The following HERC1 variants were observed in gnomAD, a reference collection of about 807,000 sequenced individuals.
HERC1 encodes the protein probable E3 ubiquitin-protein ligase HERC1.
A neutral mutation model predicts 554.3 loss-of-function variants in HERC1; 160 were observed. That is an observed-to-expected ratio of 0.29 (90% CI 0.25 to 0.33). HERC1 has a LOEUF of 0.33. Ranked by LOEUF, HERC1 falls within the 10% of genes least tolerant of loss-of-function variation. The pLI, the probability that HERC1 is intolerant of heterozygous loss-of-function variation, is 1.00. For synonymous variants in HERC1, 2,175 were observed against 2,131.7 expected (o/e 1.02, Z -0.56); for missense variants, 4,919 against 5,918.5 (o/e 0.83, Z 5.54).
chr15:63,829,104 T>G (rs923009082), intron 1 of HERC1, among the ~76,000 whole-genome samples: 1 of 152,078 alleles, frequency 6.6e-6, no homozygotes, highest in African/African-American at 2.4e-5. Context: ...GGTGTCAATA[T>G]GAACCCATGG....
chr15:63,707,968 A>T (rs1302868553), intron 24 of HERC1, among the ~76,000 whole-genome samples: 1 of 150,956 alleles, frequency 6.6e-6, no homozygotes. Context: ...AAGTGACAAA[A>T]CAGATTCATT....
chr15:63,631,099 C>G (rs908885841), intron 68 of HERC1, among the ~76,000 whole-genome samples: 1 of 152,190 alleles, frequency 6.6e-6, no homozygotes, highest in African/African-American at 2.4e-5. Context: ...CTACCTCAGC[C>G]TCCTGAGTAG....
At chr15:63,814,683 G>A (rs946636620) in intron 1 of HERC1, among the ~76,000 whole-genome samples, 3 of 152,108 alleles carry the variant, frequency 2.0e-5, no homozygotes, top group East Asian at 1.9e-4. Flanking sequence ...TGGCCAGGCT[G>A]GTCTTGAACT....
At chr15:63,801,026 C>T (rs2076966918) in intron 1 of HERC1, among the ~76,000 whole-genome samples, 1 of 152,110 alleles carries the variant, frequency 6.6e-6, no homozygotes, top group Admixed American at 6.5e-5. Flanking sequence ...CCATAAAAAC[C>T]CCTAGACAGG....
intron 19 of HERC1, among the ~76,000 whole-genome samples, chr15:63,722,683 G>C (rs1473936702): frequency 6.6e-6 from 1 of 152,010 alleles, no homozygotes; most frequent in Non-Finnish European, 1.5e-5. Context: ...ACTTAATACT[G>C]GCCCCAAAAT....
chr15:63,694,283 A>G lies in HERC1; in HGVS notation c.5480+29T>C, dbSNP rs373375539. ...AATGGAGGAAGACCAGACTTCATAC[A>G]GTTCTACAAAGACATCTACCATACT... On this transcript the variant is annotated intron_variant, in intron 29 of 77. Transcript: ENST00000443617. This position sits in a 1 kb window ranked among gnomAD's most constrained non-coding sequence, Gnocchi z 4.3. 5 of 1,594,300 alleles carry G rather than the reference A, an allele frequency of 3.1e-6. No individual in the cohort carries two copies. Among genetic ancestry groups the G allele is most frequent in the East Asian group, 2.3e-5 (1 of 44,230 alleles).
chr15:63,756,827 G>C lies in HERC1; in HGVS notation c.1222-79C>G. The C allele has an allele frequency of 1.1e-6, 1 of 886,228 alleles. No individual in the cohort carries two copies. The highest frequency in any genetic ancestry group is 1.7e-6 in the Non-Finnish European group (1 of 599,890). The allele number at this position is 886,228 out of a possible 1,614,324, so 54.9% of individuals were successfully genotyped here. ...TATTTAAGGCTGGTTTTATCAAAGA[G>C]CCTCAAAGGAAGTCTTTTAGCAGGA... is the stretch of plus-strand genomic sequence containing the variant. On this transcript the variant is annotated intron_variant, in intron 4 of 77. Coordinates refer to ENST00000443617, the MANE Select transcript of HERC1 (RefSeq NM_003922.4). The surrounding 1 kb of genome is among the most constrained non-coding windows in gnomAD (Gnocchi z 5.0).
At chr15:63,619,001 T>G (rs1306091728) in intron 74 of HERC1, among the ~76,000 whole-genome samples, 1 of 152,168 alleles carries the variant, frequency 6.6e-6, no homozygotes, top group Non-Finnish European at 1.5e-5. Context: ...TTCTCCTGCC[T>G]GATTGCCCTG....
intron 1 of HERC1, among the ~76,000 whole-genome samples, chr15:63,826,809 AAAAAAATATATAT>A (rs2077938980): frequency 1.4e-5 from 1 of 69,294 alleles, no homozygotes; most frequent in Non-Finnish European, 2.9e-5. Context: ...AAAAAAAAAA[AAAAAAATATATAT>A]ATATATATAT....
At chr15:63,617,058 G>A (rs1425896098) in intron 74 of HERC1, among the ~76,000 whole-genome samples, 5 of 150,532 alleles carry the variant, frequency 3.3e-5, no homozygotes, top group East Asian at 3.9e-4. Flanking sequence ...TGTGCACAAC[G>A]TGCAGGTTTG....
intron 18 of HERC1, among the ~76,000 whole-genome samples, chr15:63,724,930 A>G (rs568073982): frequency 1.3e-5 from 2 of 152,336 alleles, no homozygotes; most frequent in East Asian, 1.9e-4. Flanking sequence ...TGCTGCACTG[A>G]TAAGTCATGG....
chr15:63,691,236 C>T (rs1203406188), intron 31 of HERC1, among the ~76,000 whole-genome samples: 1 of 152,056 alleles, frequency 6.6e-6, no homozygotes, highest in Admixed American at 6.6e-5. Flanking sequence ...GAGGCTGAGG[C>T]GGGCAGATCA....
chr15:63,753,898 G>T (rs1043599724), intron 7 of HERC1, among the ~76,000 whole-genome samples: 3 of 152,134 alleles, frequency 2.0e-5, no homozygotes, highest in African/African-American at 7.2e-5. Context: ...CTCATGCCGG[G>T]CACGGAGGTT....
Position 63,643,454 on chromosome 15 carries a change from C to A in HERC1, c.11281G>T (p.Ala3761Ser), listed in dbSNP as rs745636917. Residue 3761 changes from alanine (A) to serine (S), a missense_variant, in exon 58 of 78, where the codon GCC becomes TCC. Ala to Ser is a moderately conservative substitution (Grantham distance 99, BLOSUM62 1). This residue lies in a region of HERC1 where 1,963 missense variants were observed against 2,228.6 expected (regional missense o/e 0.88). Coordinates refer to ENST00000443617, the MANE Select transcript of HERC1 (RefSeq NM_003922.4). ...RTVAFSSDGL[A>S]LVSGGLGGLM... ...CCACCTAGTCCACCAGACACCAGGG[C>A]CAACCCATCAGAACTAAAGGCAACA... is the stretch of plus-strand genomic sequence containing the variant. 1.9e-6 allele frequency: 3 copies of A among 1,613,372 alleles called. No individual in the cohort carries two copies. The highest frequency in any genetic ancestry group is 2.5e-6 in the Non-Finnish European group (3 of 1,179,590).
At chr15:63,764,049 C>T (rs746500375) in intron 3 of HERC1, 47 bp downstream of exon 3, 2 of 1,148,702 alleles carry the variant, frequency 1.7e-6, no homozygotes, top group South Asian at 1.3e-5. Context: ...CATGCCATAG[C>T]ATTTTAACAC....
At chr15:63,609,325 G>A in intron 77 of HERC1, 59 bp from the exon 78 acceptor site, 1 of 1,456,994 alleles carries the variant, frequency 6.9e-7, no homozygotes, top group Non-Finnish European at 9.3e-7. Flanking sequence ...AGGGGGAGTG[G>A]GGCTGCCCAT....
At chr15:63,682,279 T>C (rs2071517743) in intron 34 of HERC1, among the ~76,000 whole-genome samples, 1 of 152,202 alleles carries the variant, frequency 6.6e-6, no homozygotes, top group Non-Finnish European at 1.5e-5. Flanking sequence ...CCAGACGCTC[T>C]TGGCCTTGCT....
intron 17 of HERC1, among the ~76,000 whole-genome samples, chr15:63,726,698 C>T (rs1046557598): frequency 5.3e-5 from 8 of 152,150 alleles, no homozygotes; most frequent in African/African-American, 1.4e-4. Flanking sequence ...CAGAGTCTGT[C>T]TACAAACAAA....
chr15:63,719,395 C>T (rs953450509), intron 19 of HERC1, among the ~76,000 whole-genome samples: 1 of 152,170 alleles, frequency 6.6e-6, no homozygotes, highest in East Asian at 1.9e-4. Flanking sequence ...TGGGGCAAAC[C>T]GTGCATGCAC....
Sources: gnomAD v4.1 joint callset for allele counts (sites outside exome capture counted in the v4.1 genomes callset) on GRCh38, gnomAD v4.1.1 for gene constraint, gnomAD v4.1.1 regional missense constraint, Gnocchi (gnomAD v3.1) non-coding constraint, MANE v1.5 for transcripts, NCBI Gene and HGNC (gene_info 2026-07-23, HGNC 2026-07-21) for gene names.